The following TNIK variants were observed in gnomAD, a reference collection of about 807,000 sequenced individuals.
The protein encoded by TNIK is TRAF2 and NCK-interacting protein kinase.
A neutral mutation model predicts 191.3 loss-of-function variants in TNIK; 49 were observed. The observed-to-expected ratio is 0.26, with a 90% confidence interval of 0.20 to 0.32. The LOEUF (loss-of-function observed/expected upper bound fraction) is 0.32. TNIK is among the 10% of genes least tolerant of loss of function. TNIK has a pLI of 1.00. For missense variants in TNIK, 1,155 were observed against 1,702.3 expected (o/e 0.68, Z 5.66); for synonymous variants, 594 against 600.9 (o/e 0.99, Z 0.17).
chr3:171,246,945 G>T (rs893710303), intron 2 of TNIK, among the ~76,000 whole-genome samples: 2 of 152,322 alleles, frequency 1.3e-5, no homozygotes, highest in African/African-American at 2.4e-5. Context: ...GAATAAGACT[G>T]GGGGGAAGAC....
chr3:171,250,181 C>T (rs1746073241), intron 2 of TNIK, among the ~76,000 whole-genome samples: 4 of 152,198 alleles, frequency 2.6e-5, no homozygotes, highest in Admixed American at 2.6e-4. Context: ...TGATTACTCC[C>T]TTCTCAGAAG....
intron 2 of TNIK, among the ~76,000 whole-genome samples, chr3:171,241,524 A>C (rs1744991469): frequency 6.6e-6 from 1 of 152,194 alleles, no homozygotes; most frequent in African/African-American, 2.4e-5. Context: ...ATTCTCTCTA[A>C]AGAATAAAGA....
At chr3:171,187,031 A>G (rs1272151831) in intron 7 of TNIK, among the ~76,000 whole-genome samples, 1 of 152,224 alleles carries the variant, frequency 6.6e-6, no homozygotes, top group Non-Finnish European at 1.5e-5. Context: ...TATATAGTGC[A>G]GTCAGTCACA....
chr3:171,426,521 TTGTGCACA>T (rs1451077306), intron 1 of TNIK, among the ~76,000 whole-genome samples: 1 of 152,010 alleles, frequency 6.6e-6, no homozygotes, highest in Non-Finnish European at 1.5e-5. Flanking sequence ...AACCTGCACG[TTGTGCACA>T]TGTACCCTAG....
chr3:171,071,365 C>T (rs1009742986), intron 28 of TNIK, 42 bp from the exon 29 acceptor site: 1 of 1,369,570 alleles, frequency 7.3e-7, no homozygotes, highest in Non-Finnish European at 1.0e-6. Flanking sequence ...CATCAATTTA[C>T]TCAAGTTCTT....
chr3:171,343,914 C>T (rs751295144), intron 2 of TNIK, among the ~76,000 whole-genome samples: 10 of 152,174 alleles, frequency 6.6e-5, no homozygotes, highest in Non-Finnish European at 1.2e-4. Flanking sequence ...GGAGTTCCTT[C>T]CTCATATGAC....
intron 2 of TNIK, among the ~76,000 whole-genome samples, chr3:171,356,976 G>C (rs1714176792): frequency 6.6e-6 from 1 of 152,134 alleles, no homozygotes; most frequent in Non-Finnish European, 1.5e-5. Context: ...ACCCATCTCT[G>C]ATATCAAAAG....
intron 12 of TNIK, among the ~76,000 whole-genome samples, chr3:171,140,942 C>T (rs558952878): frequency 6.8e-4 from 103 of 152,252 alleles, no homozygotes; most frequent in African/African-American, 2.3e-3. Context: ...AAAATCAGAG[C>T]GGTGAAGTGA....
At chr3:171,198,390 G>A (rs1042294560) in intron 4 of TNIK, among the ~76,000 whole-genome samples, 1 of 152,154 alleles carries the variant, frequency 6.6e-6, no homozygotes, top group Non-Finnish European at 1.5e-5. Context: ...CTGGGTGTAG[G>A]GGGTAACAGG....
chr3:171,436,102 T>G (rs570736756), intron 1 of TNIK, among the ~76,000 whole-genome samples: 43 of 150,052 alleles, frequency 2.9e-4, no homozygotes, highest in African/African-American at 9.9e-4. Context: ...TTATTTCAGC[T>G]CCATGAAACT....
intron 2 of TNIK, among the ~76,000 whole-genome samples, chr3:171,273,659 A>T (rs1749393152): frequency 6.6e-6 from 1 of 152,164 alleles, no homozygotes; most frequent in African/African-American, 2.4e-5. Context: ...CACAGCCTAT[A>T]GCTTAATAAC....
At chr3:171,271,200 C>T (rs181010880) in intron 2 of TNIK, among the ~76,000 whole-genome samples, 6 of 152,330 alleles carry the variant, frequency 3.9e-5, no homozygotes, top group East Asian at 1.9e-4. Flanking sequence ...TAATTGCGCA[C>T]GTTTCCTACC....
At chr3:171,440,498 T>C (rs2108686646) in intron 1 of TNIK, among the ~76,000 whole-genome samples, 1 of 152,142 alleles carries the variant, frequency 6.6e-6, no homozygotes, top group South Asian at 2.1e-4. Context: ...GCTCTAGGGG[T>C]AACAGTGGAG....
intron 1 of TNIK, among the ~76,000 whole-genome samples, chr3:171,444,966 TGGCCTCCCAAAGTGCTGG>T (rs1285568469): frequency 6.6e-6 from 1 of 152,062 alleles, no homozygotes; most frequent in Non-Finnish European, 1.5e-5. Context: ...GCTTCCACCT[TGGCCTCCCAAAGTGCTGG>T]GATTACAGGC....
chr3:171,402,022 G>A (rs1284828188), intron 1 of TNIK, among the ~76,000 whole-genome samples: 2 of 152,196 alleles, frequency 1.3e-5, no homozygotes, highest in African/African-American at 4.8e-5. Flanking sequence ...CGAAAGCTAT[G>A]TGGGGTGTTA....
chr3:171,375,499 G>T (rs1465103320), intron 1 of TNIK, among the ~76,000 whole-genome samples: 1 of 152,148 alleles, frequency 6.6e-6, no homozygotes, highest in Non-Finnish European at 1.5e-5. Flanking sequence ...AGTTTTGGGG[G>T]TTCCTTGGAT....
chr3:171,313,630 T>C (rs1476451967), intron 2 of TNIK, among the ~76,000 whole-genome samples: 1 of 152,070 alleles, frequency 6.6e-6, no homozygotes, highest in Non-Finnish European at 1.5e-5. Context: ...TTAAAAATTA[T>C]CATGAAATAA....
At chr3:171,321,429 G>A (rs1755152277) in intron 2 of TNIK, among the ~76,000 whole-genome samples, 1 of 152,144 alleles carries the variant, frequency 6.6e-6, no homozygotes, top group Non-Finnish European at 1.5e-5. Flanking sequence ...ACAGAAAACT[G>A]TATAAAGAGC....
At chr3:171,407,114 G>A (rs988758550) in intron 1 of TNIK, among the ~76,000 whole-genome samples, 1 of 152,198 alleles carries the variant, frequency 6.6e-6, no homozygotes, top group Non-Finnish European at 1.5e-5. Context: ...CTGGGGTCCG[G>A]TGGTTCTCCA....
Sources: gnomAD v4.1 joint callset for allele counts (sites outside exome capture counted in the v4.1 genomes callset) on GRCh38, gnomAD v4.1.1 for gene constraint, MANE v1.5 for transcripts, NCBI Gene and HGNC (gene_info 2026-07-23, HGNC 2026-07-21) for gene names.